RAPGEF3: variants seen among roughly 807,000 people sequenced by gnomAD.
The protein encoded by RAPGEF3 is 9330170P05Rik.
Under a neutral mutation model 129.8 loss-of-function variants are expected in RAPGEF3, and 103 were observed. The ratio of observed to expected loss-of-function variants is 0.79; its 90% confidence interval spans 0.68 to 0.93. The LOEUF (loss-of-function observed/expected upper bound fraction) is 0.93. RAPGEF3 is among the 40% of genes least tolerant of loss of function. RAPGEF3 has a pLI of 0.00. For synonymous variants in RAPGEF3, 436 were observed against 482.6 expected (o/e 0.90, Z 1.26); for missense variants, 1,117 against 1,207.4 (o/e 0.93, Z 1.11).
chr12:47,741,101 G>T, intron 19 of RAPGEF3, 61 bp from the exon 20 acceptor site: 1 of 1,569,706 alleles, frequency 6.4e-7, no homozygotes, highest in Admixed American at 1.7e-5. Context: ...CACAGGGTAG[G>T]GGGAGAGGGT....
chr12:47,737,593 G>A lies in RAPGEF3; in HGVS notation c.2746C>T (p.Arg916Cys), dbSNP rs769445087. 35 of 1,605,176 alleles carry A rather than the reference G, an allele frequency of 2.2e-5. No individual in the cohort carries two copies. In the East Asian group the frequency reaches 4.3e-4, roughly 20 times the overall value. ...KVIDNQRELSRLSRELEP is the reference protein window; with the variant it reads ...KVIDNQRELSCLSRELEP ...CATGGCTCCAGCTCTCGGGAGAGGC[G>A]GGAGAGTTCCCGCTGGTTGTCAATG... Residue 916 changes from arginine to cysteine, a missense_variant, in exon 28 of 28, where the codon CGC (arginine) becomes TGC (cysteine). Arg to Cys is a radical substitution (Grantham distance 180, BLOSUM62 -3). Around this residue, in one of 3 missense-constraint regions of RAPGEF3, gnomAD observed 643 missense variants for 673.4 expected, o/e 0.95. Transcript: ENST00000449771.
At chr12:47,738,172 C>T in intron 26 of RAPGEF3, 21 bp downstream of exon 26, 1 of 1,613,816 alleles carries the variant, frequency 6.2e-7, no homozygotes, top group Non-Finnish European at 8.5e-7. Context: ...GACCTCCCAC[C>T]CCGGGGACCC....
chr12:47,747,640 A>G lies in RAPGEF3; in HGVS notation c.1474-14T>C, dbSNP rs1463234791. ...GTCTGAGAGTTTCTAAGAAGAGCCA[A>G]GATTCACTGAGATGGCTGTAGCTGC... On this transcript the variant is annotated splice_polypyrimidine_tract_variant and intron_variant, in intron 14 of 27. Coordinates refer to ENST00000449771, the MANE Select transcript of RAPGEF3 (RefSeq NM_001098531.4). The G allele has an allele frequency of 1.9e-6, 3 of 1,613,468 alleles. No homozygotes were observed. In the South Asian group the frequency reaches 3.3e-5, roughly 18 times the overall value.
rs1341383794 is a variant in RAPGEF3 at position 47,751,092 on chromosome 12, G to A, written c.627C>T (p.Ser209=). 1.3e-6 allele frequency: 2 copies of A among 1,591,938 alleles called. No homozygotes were observed. Among genetic ancestry groups the A allele is most frequent in the Admixed American group, 1.8e-5 (1 of 55,916 alleles). The part of the protein sequence containing the change: ...EELAEAVALL[S]QRGPDALLTV... ...TGAGCAGGGCGTCAGGCCCCCGCTG[G>A]GAGAGCAGGGCCACAGCTTCGGCCA... is the stretch of plus-strand genomic sequence containing the variant. The change falls in exon 6 of 28, where the codon TCC becomes TCT. Residue 209 remains serine (S), a synonymous_variant. Coordinates refer to ENST00000449771, the MANE Select transcript of RAPGEF3 (RefSeq NM_001098531.4).
chr12:47,739,457 GT>G (rs1565748610), intron 23 of RAPGEF3: 8 of 694,454 alleles, frequency 1.2e-5, no homozygotes, highest in Non-Finnish European at 2.1e-5. Context: ...GGGGCCCCAG[GT>G]TTCTTGGAAA....
At chr12:47,753,965 G>A (rs949643890) in intron 2 of RAPGEF3, 1 of 152,218 alleles carries the variant, frequency 6.6e-6, no homozygotes, top group African/African-American at 2.4e-5. Context: ...GGACTTTAAG[G>A]AATCCCTCTC....
intron 16 of RAPGEF3, chr12:47,744,338 G>T: frequency 7.0e-6 from 3 of 426,342 alleles, no homozygotes; most frequent in South Asian, 4.1e-5. Context: ...GTCCAGAGCA[G>T]TTCTAATATG....
rs774573786 is a variant in RAPGEF3, at chr12:47,741,053, G to A, written c.1924-13C>T. On this transcript the variant is annotated splice_polypyrimidine_tract_variant and intron_variant, in intron 19 of 27. Coordinates refer to ENST00000449771, the MANE Select transcript of RAPGEF3 (RefSeq NM_001098531.4). ...CAGGGTGTGGGATCTGCGGGTGGGA[G>A]AGTGCTCAGGGGGCTGCCTGAGGAA... 8.1e-6 allele frequency: 13 copies of A among 1,611,536 alleles called. No homozygotes were observed. Among genetic ancestry groups the A allele is most frequent in the African/African-American group, 2.7e-5 (2 of 74,914 alleles).
chr12:47,757,250 CA>C (rs1942129157), intron 2 of RAPGEF3, among the ~76,000 whole-genome samples: 1 of 152,266 alleles, frequency 6.6e-6, no homozygotes, highest in Admixed American at 6.5e-5. Context: ...CAAATCCCAC[CA>C]TTCTTTCCCC....
At chr12:47,737,986 CCCCTCCCTG>C in intron 27 of RAPGEF3, 27 bp downstream of exon 27, 1 of 1,532,054 alleles carries the variant, frequency 6.5e-7, no homozygotes, top group Non-Finnish European at 9.0e-7. Flanking sequence ...CCATAAGCAC[CCCCTCCCTG>C]CCCACCCACC....
At chr12:47,748,260 G>A in intron 12 of RAPGEF3, 108 bp from the exon 13 acceptor site, 1 of 1,056,864 alleles carries the variant, frequency 9.5e-7, no homozygotes, top group Non-Finnish European at 1.4e-6. Flanking sequence ...CCACCTGCAA[G>A]GTCCCAGCAG....
intron 24 of RAPGEF3, 65 bp downstream of exon 24, chr12:47,739,078 G>A (rs1050518333): frequency 8.0e-6 from 11 of 1,370,216 alleles, no homozygotes; most frequent in South Asian, 1.2e-5. Context: ...GAGGCAGGAA[G>A]GGGGAAATGG....
intron 16 of RAPGEF3, 200 bp from the exon 17 acceptor site, chr12:47,744,268 C>T: frequency 1.7e-6 from 1 of 593,452 alleles, no homozygotes; most frequent in Non-Finnish European, 3.0e-6. Flanking sequence ...CACAACATGT[C>T]TAAGGGCGGG....
chr12:47,748,891 T>C lies in RAPGEF3; in HGVS notation c.1082A>G (p.Lys361Arg). Reference protein sequence around the residue: ...AKTMRLEEHGKVVLVLERASQ... With the variant: ...AKTMRLEEHGRVVLVLERASQ... ...GGCTCTCTCCAGCACCAGCACCACT[T>C]TGCCATGTTCTTCCAGCCGCATGGT... Residue 361 changes from lysine (K) to arginine (R), a missense_variant, in exon 11 of 28, where the codon AAA becomes AGA. Physicochemically the swap from Lys to Arg is conservative, Grantham distance 26. This residue lies in a region of RAPGEF3 where 107 missense variants were observed against 160.7 expected (regional missense o/e 0.67). Coordinates refer to ENST00000449771, the MANE Select transcript of RAPGEF3 (RefSeq NM_001098531.4). 1 of 1,614,082 alleles carries C rather than the reference T, an allele frequency of 6.2e-7. No homozygotes were observed. Among genetic ancestry groups the C allele is most frequent in the Non-Finnish European group, 8.5e-7 (1 of 1,179,984 alleles).
Position 47,738,103 on chromosome 12 carries a change from T to G in RAPGEF3, c.2582-10A>C, listed in dbSNP as rs1592530878. ...AGTGGTGAGAGAGGCACTGCGGGGG[T>G]GGGGAGGGGTCATGGAGTCAGGGCC... is the stretch of plus-strand genomic sequence containing the variant. On this transcript the variant is annotated splice_polypyrimidine_tract_variant and intron_variant, in intron 26 of 27. Transcript: ENST00000449771. 6.2e-7 allele frequency: 1 copy of G among 1,604,898 alleles called. No individual in the cohort carries two copies. The highest frequency in any genetic ancestry group is 1.1e-5 in the South Asian group (1 of 90,838).
chr12:47,747,423 A>G, intron 15 of RAPGEF3, 121 bp downstream of exon 15: 1 of 937,764 alleles, frequency 1.1e-6, no homozygotes, highest in Non-Finnish European at 1.6e-6. Flanking sequence ...AAGAACAAGG[A>G]ATTGAAGTAA....
chr12:47,758,422 G>C (rs1351012620), intron 1 of RAPGEF3, 129 bp downstream of exon 1: 1 of 1,545,972 alleles, frequency 6.5e-7, no homozygotes, highest in South Asian at 1.2e-5. Flanking sequence ...ATGCAGCTTC[G>C]GCTTAAACCC....
intron 15 of RAPGEF3, among the ~76,000 whole-genome samples, chr12:47,747,311 C>G (rs1941478092): frequency 6.6e-6 from 1 of 152,140 alleles, no homozygotes; most frequent in Non-Finnish European, 1.5e-5. Context: ...GAAGTGAGAA[C>G]AGCAGGTGCA....
At chr12:47,739,088 GGGGATGGAGGCAGGAAGGGGGGAATGGA>G in intron 24 of RAPGEF3, 27 bp downstream of exon 24, 5 of 1,427,202 alleles carry the variant, frequency 3.5e-6, no homozygotes, top group Non-Finnish European at 4.9e-6. Flanking sequence ...GGGGGAAATG[GGGGATGGAGGCAGGAAGGGGGGAATGGA>G]GGGATGGAGG....
Sources: gnomAD v4.1 joint callset for allele counts (sites outside exome capture counted in the v4.1 genomes callset) on GRCh38, gnomAD v4.1.1 for gene constraint, gnomAD v4.1.1 regional missense constraint, MANE v1.5 for transcripts, NCBI Gene and HGNC (gene_info 2026-07-23, HGNC 2026-07-21) for gene names.